The following ADCY2 variants were observed in gnomAD, a reference collection of about 807,000 sequenced individuals.
ADCY2 encodes adenylate cyclase type 2.
In ADCY2, 31 loss-of-function variants were observed where a neutral mutation model predicts 125.2. That is an observed-to-expected ratio of 0.25 (90% CI 0.19 to 0.33). The LOEUF (loss-of-function observed/expected upper bound fraction) is 0.33. ADCY2 is among the 10% of genes least tolerant of loss of function. The pLI, the probability that ADCY2 is intolerant of heterozygous loss-of-function variation, is 1.00. For missense variants in ADCY2, 904 were observed against 1,418.2 expected, an observed-to-expected ratio of 0.64 and a Z score of 5.82; for synonymous variants, 512 against 548.4, an observed-to-expected ratio of 0.93 and a Z score of 0.93.
At chr5:7,825,747 T>C (rs767882681) in intron 24 of ADCY2, among the ~76,000 whole-genome samples, 3 of 152,142 alleles carry the variant, frequency 2.0e-5, no homozygotes, top group Non-Finnish European at 4.4e-5. Context: ...GTTCTCTGCT[T>C]TTGCAGCTCC....
chr5:7,656,755 C>T (rs543171617), intron 4 of ADCY2, among the ~76,000 whole-genome samples: 1 of 152,296 alleles, frequency 6.6e-6, no homozygotes, highest in African/African-American at 2.4e-5. Context: ...ATTGTAATCC[C>T]TCTGAAGGGG....
intron 3 of ADCY2, among the ~76,000 whole-genome samples, chr5:7,609,557 C>A (rs73050118): frequency 6.6e-6 from 1 of 152,120 alleles, no homozygotes; most frequent in Non-Finnish European, 1.5e-5. Flanking sequence ...CTTATCAGTA[C>A]ATGTCCCAAT....
chr5:7,826,944 G>A lies in ADCY2; in HGVS notation c.*73G>A, dbSNP rs945594698. 1 of 1,529,924 alleles carries A rather than the reference G, an allele frequency of 6.5e-7. No individual in the cohort carries two copies. Among genetic ancestry groups the A allele is most frequent in the African/African-American group, 1.4e-5 (1 of 72,200 alleles). 94.8% of individuals were successfully genotyped at this position (1,529,924 alleles called of 1,614,324 possible). A position where few individuals can be genotyped will look rare whatever the true frequency, so the allele number is the denominator to read the frequency against. On this transcript the variant is annotated 3_prime_UTR_variant, in exon 25 of 25. Coordinates refer to ENST00000338316, the MANE Select transcript of ADCY2 (RefSeq NM_020546.3). ...CACACACTTTCTGACTGCAACTTCT[G>A]TCCCTTGTTTTTGATGTGCGTGCTG...
chr5:7,676,743 A>G (rs767016161), intron 4 of ADCY2, among the ~76,000 whole-genome samples: 47 of 152,340 alleles, frequency 3.1e-4, no homozygotes, highest in Middle Eastern at 3.4e-3. Flanking sequence ...ATGTCCTCCT[A>G]GAAGGACCAA....
At chr5:7,430,555 GATATACTATAT>G (rs1740557463) in intron 2 of ADCY2, among the ~76,000 whole-genome samples, 1 of 147,150 alleles carries the variant, frequency 6.8e-6, no homozygotes, top group African/African-American at 2.5e-5. Flanking sequence ...ATAGTATATT[GATATACTATAT>G]ATATAGTGTA....
chr5:7,406,822 A>G (rs1480673681), intron 1 of ADCY2, among the ~76,000 whole-genome samples: 2 of 152,198 alleles, frequency 1.3e-5, no homozygotes, highest in African/African-American at 4.8e-5. Context: ...CGTAATGTCA[A>G]TAGTCACAGC....
In ADCY2 at chr5:7,404,993, G is replaced by T. The variant is rs75056756; in HGVS notation, c.210+8487G>T. ...GGTTTCAAGAATGATCATCCTAAAA[G>T]AAAAAGATGGAATTGCATGACATTT... On this transcript the variant is annotated intron_variant, in intron 1 of 24. Transcript: ENST00000338316. 3.1e-4 allele frequency among the ~76,000 whole-genome samples: 47 copies of T among 152,282 alleles called. No individual in the cohort carries two copies. In the East Asian group the frequency reaches 6.6e-3, roughly 21 times the overall value.
At chr5:7,632,108 A>G (rs1373659802) in intron 4 of ADCY2, among the ~76,000 whole-genome samples, 2 of 152,204 alleles carry the variant, frequency 1.3e-5, no homozygotes, top group Non-Finnish European at 2.9e-5. Context: ...TTGCTGAAGA[A>G]TTAAAGCAGC....
At position 7,709,413 on chromosome 5, in the gene ADCY2, C is replaced by T; in HGVS notation, c.1578+26C>T. On this transcript the variant is annotated intron_variant, in intron 10 of 24. Coordinates refer to ENST00000338316, the MANE Select transcript of ADCY2 (RefSeq NM_020546.3). The surrounding 1 kb of genome is among the most constrained non-coding windows in gnomAD (Gnocchi z 4.4). ...GTATGCCCTCCCCTGCCTCCAATGC[C>T]TGAGCACTGGGGGAAAGCTAACTTC... 1 of 1,543,116 alleles carries T rather than the reference C, an allele frequency of 6.5e-7. No individual in the cohort carries two copies. The highest frequency in any genetic ancestry group is 1.2e-5 in the South Asian group (1 of 81,620).
chr5:7,574,886 G>C (rs1287109280), intron 3 of ADCY2, among the ~76,000 whole-genome samples: 1 of 152,176 alleles, frequency 6.6e-6, no homozygotes, highest in Non-Finnish European at 1.5e-5. Context: ...TGACACCAGG[G>C]AGTGGATTAG....
chr5:7,561,909 T>C (rs921341399), intron 3 of ADCY2, among the ~76,000 whole-genome samples: 2 of 152,220 alleles, frequency 1.3e-5, no homozygotes, highest in African/African-American at 4.8e-5. Flanking sequence ...TTTGATTCTC[T>C]ATAATACTAA....
Position 7,829,070 on chromosome 5 carries a change from C to T in ADCY2, c.*2199C>T, listed in dbSNP as rs1745568119. The T allele has an allele frequency of 6.6e-6, 1 of 152,380 alleles. No homozygotes were observed. Among genetic ancestry groups the T allele is most frequent in the Non-Finnish European group, 1.5e-5 (1 of 68,078 alleles). The allele number at this position is 152,380 out of a possible 1,614,324, so 9.4% of individuals were successfully genotyped here. A position where few individuals can be genotyped will look rare whatever the true frequency, so the allele number is the denominator to read the frequency against. ...AAAGCATTGAGTCATTGTCAGAATCCACTATGGGAAGCTCTGTGTGTACCT... is the reference window on the plus strand; with the variant it reads ...AAAGCATTGAGTCATTGTCAGAATCTACTATGGGAAGCTCTGTGTGTACCT... On this transcript the variant is annotated 3_prime_UTR_variant, in exon 25 of 25. Transcript: ENST00000338316.
At chr5:7,578,483 A>G (rs1191725533) in intron 3 of ADCY2, among the ~76,000 whole-genome samples, 2 of 152,200 alleles carry the variant, frequency 1.3e-5, no homozygotes, top group Non-Finnish European at 2.9e-5. Flanking sequence ...GGTATTTTTA[A>G]AAGAGAAATT....
intron 3 of ADCY2, among the ~76,000 whole-genome samples, chr5:7,569,370 A>G (rs972389629): frequency 6.6e-6 from 1 of 152,142 alleles, no homozygotes; most frequent in Non-Finnish European, 1.5e-5. Context: ...CTTGAAAAAG[A>G]CTTGGGCCAA....
intron 3 of ADCY2, among the ~76,000 whole-genome samples, chr5:7,545,535 A>T (rs1363035478): frequency 6.6e-6 from 1 of 152,158 alleles, no homozygotes; most frequent in African/African-American, 2.4e-5. Context: ...CGACGTGTAG[A>T]AGTTTCCAGT....
intron 4 of ADCY2, among the ~76,000 whole-genome samples, chr5:7,667,939 C>G (rs978620678): frequency 3.3e-5 from 5 of 152,124 alleles, no homozygotes; most frequent in African/African-American, 1.2e-4. Context: ...AGCTACCTGT[C>G]TGTGCCATTT....
intron 17 of ADCY2, among the ~76,000 whole-genome samples, chr5:7,770,795 A>G (rs1743530665): frequency 6.6e-6 from 1 of 152,206 alleles, no homozygotes; most frequent in South Asian, 2.1e-4. Context: ...CTACTAGGTT[A>G]TAAATAAGGG....
At chr5:7,713,243 C>A (rs765120503) in intron 11 of ADCY2, among the ~76,000 whole-genome samples, 40 of 152,026 alleles carry the variant, frequency 2.6e-4, no homozygotes, top group Non-Finnish European at 3.5e-4. Context: ...GTAATCCCAG[C>A]ACTTTGGGAG....
Position 7,695,873 on chromosome 5 carries a change from A to G in ADCY2, c.981+10A>G, listed in dbSNP as rs940645931. 3.2e-6 allele frequency: 5 copies of G among 1,573,072 alleles called. No homozygotes were observed. Among genetic ancestry groups the G allele is most frequent in the African/African-American group, 1.4e-5 (1 of 73,672 alleles). On this transcript the variant is annotated intron_variant, in intron 6 of 24. Coordinates refer to ENST00000338316, the MANE Select transcript of ADCY2 (RefSeq NM_020546.3). The stretch of plus-strand genomic sequence containing the variant: ...TGATCAAATTGCAAAGGTGAGTATT[A>G]TGGATTCTTTTCTTCTCTGAAGATT...
Sources: allele counts gnomAD v4.1 joint callset (sites outside exome capture counted in the v4.1 genomes callset), GRCh38; gene constraint gnomAD v4.1.1; non-coding constraint Gnocchi (gnomAD v3.1); transcripts MANE v1.5; gene names NCBI Gene and HGNC (gene_info 2026-07-23, HGNC 2026-07-21).